The following SRFBP1 variants were observed in gnomAD, a reference collection of about 807,000 sequenced individuals.
SRFBP1 encodes serum response factor binding protein 1.
Under a neutral mutation model 45.5 loss-of-function variants are expected in SRFBP1, and 47 were observed. That is an observed-to-expected ratio of 1.03 (90% CI 0.82 to 1.32). The LOEUF (loss-of-function observed/expected upper bound fraction) is 1.32, where lower values mean the gene tolerates loss of function less well. Among genes scored for constraint, SRFBP1 ranks in the 40% most tolerant of loss-of-function variants. SRFBP1 has a pLI of 0.00. For missense variants in SRFBP1, 621 were observed against 484.6 expected, an observed-to-expected ratio of 1.28 and a Z score of -2.64; for synonymous variants, 203 against 166.3, an observed-to-expected ratio of 1.22 and a Z score of -1.70.
rs574593811 is a variant in SRFBP1 at position 122,028,317 on chromosome 5, A to G, written c.*1191A>G. On this transcript the variant is annotated 3_prime_UTR_variant, in exon 8 of 8. Transcript: ENST00000339397. ...TTATTTCAGGAGCTTAAGAATTTAG[A>G]TAACTCAGCCGGGCGTGGTGACTCA... 2.6e-5 allele frequency: 4 copies of G among 152,318 alleles called. No individual in the cohort carries two copies. In the South Asian group the frequency reaches 6.2e-4, roughly 24 times the overall value. The allele number at this position is 152,318 out of a possible 1,614,324, so 9.4% of individuals were successfully genotyped here. A position where few individuals can be genotyped will look rare whatever the true frequency, so the allele number is the denominator to read the frequency against.
At chr5:122,037,934 A>T (rs1390018829) in intron 2 of SRFBP1, among the ~76,000 whole-genome samples, 3 of 152,176 alleles carry the variant, frequency 2.0e-5, no homozygotes, top group Non-Finnish European at 4.4e-5. Context: ...CCCCTCTTGA[A>T]GTTAGGTTTG....
chr5:122,065,298 G>C (rs1754270076), intron 2 of SRFBP1: 2 of 152,018 alleles, frequency 1.3e-5, no homozygotes, highest in Non-Finnish European at 2.9e-5. Context: ...GGATGCCGAG[G>C]CACTTTTAAA....
At chr5:122,041,101 C>T (rs1753766018) in intron 2 of SRFBP1, among the ~76,000 whole-genome samples, 1 of 152,096 alleles carries the variant, frequency 6.6e-6, no homozygotes. Flanking sequence ...TTATCAATGA[C>T]TCATATGGTT....
intron 2 of SRFBP1, chr5:122,070,202 T>G (rs766681683): frequency 8.5e-7 from 1 of 1,169,838 alleles, no homozygotes; most frequent in Non-Finnish European, 1.3e-6. Flanking sequence ...AGTATTTCTT[T>G]TTCCATAGGG....
exon 3 of SRFBP1, chr5:122,075,496 C>T: frequency 3.7e-6 from 6 of 1,613,076 alleles, no homozygotes; most frequent in Non-Finnish European, 5.1e-6. Context: ...GAAATCTGAG[C>T]AGCACCCTGT....
chr5:122,019,695 C>T (rs115806115), intron 5 of SRFBP1, among the ~76,000 whole-genome samples: 6,675 of 150,958 alleles, frequency 0.044, 171 homozygotes, highest in African/African-American at 0.06. Context: ...TAAAATATAT[C>T]TATAAAATGA....
At chr5:121,966,603 A>G (rs1752074439) in intron 1 of SRFBP1, among the ~76,000 whole-genome samples, 1 of 152,192 alleles carries the variant, frequency 6.6e-6, no homozygotes, top group South Asian at 2.1e-4. Context: ...TAGTGCGTAA[A>G]TAATTTGCAA....
intron 4 of SRFBP1, among the ~76,000 whole-genome samples, chr5:122,018,301 T>C (rs1753227655): frequency 6.6e-6 from 1 of 152,182 alleles, no homozygotes; most frequent in Non-Finnish European, 1.5e-5. Context: ...TGACCAGGCA[T>C]AAGTTTAATT....
chr5:121,999,059 T>C (rs772493157), intron 4 of SRFBP1, among the ~76,000 whole-genome samples: 3 of 152,230 alleles, frequency 2.0e-5, no homozygotes, highest in Non-Finnish European at 2.9e-5. Flanking sequence ...TTCTGGTTTC[T>C]TAATGTGGAA....
intron 4 of SRFBP1, among the ~76,000 whole-genome samples, 198 bp downstream of exon 4, chr5:121,994,868 C>G (rs1242778278): frequency 6.6e-6 from 1 of 151,954 alleles, no homozygotes; most frequent in Non-Finnish European, 1.5e-5. Context: ...ATCATACCTT[C>G]GAGGTCCTTA....
At chr5:122,063,111 C>T (rs1156826649) in intron 2 of SRFBP1, 3 of 151,864 alleles carry the variant, frequency 2.0e-5, no homozygotes, top group African/African-American at 7.2e-5. Flanking sequence ...TTAAGAGAAA[C>T]TAACACCATA....
At chr5:121,997,852 G>A (rs1428872094) in intron 4 of SRFBP1, among the ~76,000 whole-genome samples, 254 of 150,348 alleles carry the variant, frequency 1.7e-3, no homozygotes, top group Middle Eastern at 0.01. Context: ...AAAAGTGGGC[G>A]AAGGACATGA....
At chr5:121,970,536 C>T (rs1402480349) in intron 1 of SRFBP1, among the ~76,000 whole-genome samples, 7 of 151,188 alleles carry the variant, frequency 4.6e-5, no homozygotes, top group African/African-American at 1.5e-4. Context: ...GCAACGTGGC[C>T]GTTCTTTTTT....
intron 2 of SRFBP1, among the ~76,000 whole-genome samples, chr5:122,073,485 G>C (rs2956540): frequency 0.41 from 61,735 of 151,974 alleles, 12,881 homozygotes; most frequent in Non-Finnish European, 0.44. Flanking sequence ...TTTGCTAACC[G>C]CAACCACTAT....
rs1193043636 is a variant in SRFBP1 at position 122,020,533 on chromosome 5, A to G, written c.798A>G (p.Glu266=). ...AGGAATATTTTGATGATAGCACAGA[A>G]GAAAGGTTTTACAAGCAGTCTTCCA... ...EEKEYFDDST[E]ERFYKQSSMS... is the part of the protein sequence containing the mutation. The change falls in exon 6 of 8, where the codon GAA becomes GAG. Residue 266 remains glutamate (E), a synonymous_variant. Transcript: ENST00000339397. The G allele has an allele frequency of 1.5e-5, 24 of 1,614,066 alleles. No individual in the cohort carries two copies. In the African/African-American group the frequency reaches 3.2e-4, roughly 22 times the overall value.
chr5:122,062,145 A>C (rs556192934), intron 2 of SRFBP1, among the ~76,000 whole-genome samples: 7 of 152,086 alleles, frequency 4.6e-5, no homozygotes, highest in African/African-American at 1.7e-4. Context: ...AAGTATGGGA[A>C]AGAACATTTC....
chr5:121,972,504 A>G (rs12657394), intron 1 of SRFBP1, among the ~76,000 whole-genome samples: 119,386 of 151,750 alleles, frequency 0.79, 47,332 homozygotes, highest in East Asian at 0.91. Flanking sequence ...ATGAATTTAT[A>G]GTAGACAGAA....
At chr5:122,070,016 G>T (rs780488416) in intron 2 of SRFBP1, 2 of 1,416,938 alleles carry the variant, frequency 1.4e-6, no homozygotes, top group Non-Finnish European at 2.0e-6. Flanking sequence ...AAAATTATTT[G>T]TGACAACAAT....
intron 3 of SRFBP1, 25 bp from the exon 4 acceptor site, chr5:121,994,574 A>G (rs765130594): frequency 3.3e-6 from 5 of 1,523,562 alleles, no homozygotes; most frequent in Non-Finnish European, 4.5e-6. Flanking sequence ...CATAACTAAA[A>G]TTAATTTGTT....
Sources: allele counts gnomAD v4.1 joint callset (sites outside exome capture counted in the v4.1 genomes callset), GRCh38; gene constraint gnomAD v4.1.1; transcripts MANE v1.5; gene names NCBI Gene and HGNC (gene_info 2026-07-23, HGNC 2026-07-21).